SH3KBP1: variants seen among roughly 807,000 people sequenced by gnomAD.
SH3KBP1 encodes the protein SH3 domain containing kinase binding protein 1, also known as SH3 domain-containing kinase-binding protein 1.
A neutral mutation model predicts 50.1 loss-of-function variants in SH3KBP1; 8 were observed. That is an observed-to-expected ratio of 0.16 (90% CI 0.09 to 0.29). SH3KBP1 has a LOEUF of 0.29. Among genes scored for constraint, SH3KBP1 ranks in the 10% least tolerant of loss-of-function variants. The probability of loss-of-function intolerance (pLI) is 1.00; values close to 1 mark genes in which losing one functional copy is unlikely to be tolerated. For missense variants in SH3KBP1, 377 were observed against 535.2 expected (o/e 0.70, Z 2.92); for synonymous variants, 227 against 218.6 (o/e 1.04, Z -0.34).
chrX:19,832,594 C>A (rs1032785592), intron 2 of SH3KBP1, among the ~76,000 whole-genome samples: 1 of 111,052 alleles, frequency 9.0e-6, no homozygotes, highest in Non-Finnish European at 1.9e-5. Flanking sequence ...CCATGAGAGA[C>A]ACGGCCAGCC....
rs750049387 is a variant in SH3KBP1, at chrX:19,706,874, C to G, written c.390+7G>C. On this transcript the variant is annotated splice_region_variant and intron_variant, in intron 4 of 17. Coordinates refer to ENST00000397821, the MANE Select transcript of SH3KBP1 (RefSeq NM_031892.3). ...AGGCCATTGCACTGCCCGGCCAGGT[C>G]GCTTACCTCTCCTACCACCTCTATG... 1 of 1,196,906 alleles carries G rather than the reference C, an allele frequency of 8.4e-7. No homozygotes were observed. The highest frequency in any genetic ancestry group is 1.1e-6 in the Non-Finnish European group (1 of 884,436).
chrX:19,852,521 C>T lies in SH3KBP1; in HGVS notation c.5-16239G>A, dbSNP rs181079615. ...CTCCCAGAGAGATCAGATAATATTCCAGCCGCCAGCCAGTCTGGACTCAAA... is the reference window on the plus strand; with the variant it reads ...CTCCCAGAGAGATCAGATAATATTCTAGCCGCCAGCCAGTCTGGACTCAAA... On this transcript the variant is annotated intron_variant, in intron 1 of 17. Transcript: ENST00000397821. 8.0e-3 allele frequency among the ~76,000 whole-genome samples: 880 copies of T among 109,319 alleles called. 15 individuals are homozygous for T. The highest frequency in any genetic ancestry group is 0.028 in the African/African-American group (832 of 29,937). The allele number at this position is 109,319 out of a possible 115,157, so 94.9% of individuals were successfully genotyped here. A position where few individuals can be genotyped will look rare whatever the true frequency, so the allele number is the denominator to read the frequency against.
At chrX:19,773,520 C>T (rs1311546922) in intron 2 of SH3KBP1, among the ~76,000 whole-genome samples, 1 of 106,350 alleles carries the variant, frequency 9.4e-6, no homozygotes, top group Non-Finnish European at 1.9e-5. Flanking sequence ...CACACACACA[C>T]ACGTGCATGC....
At chrX:19,567,074 A>G (rs1234358750) in intron 13 of SH3KBP1, among the ~76,000 whole-genome samples, 1 of 110,013 alleles carries the variant, frequency 9.1e-6, no homozygotes, top group East Asian at 2.9e-4. Context: ...TTCCATGTCA[A>G]ATCAATCCCT....
At chrX:19,703,038 CT>C (rs996723320) in intron 4 of SH3KBP1, among the ~76,000 whole-genome samples, 2 of 111,764 alleles carry the variant, frequency 1.8e-5, no homozygotes, top group African/African-American at 6.5e-5. Context: ...AGGTGCTTTG[CT>C]TTGCCAACTC....
chrX:19,874,068 A>AAAAAAATAT (rs1491537486), intron 1 of SH3KBP1, among the ~76,000 whole-genome samples: 3 of 57,045 alleles, frequency 5.3e-5, no homozygotes, highest in African/African-American at 4.8e-4. Flanking sequence ...AAAAAAAAAA[A>AAAAAAATAT]ATATATATAT....
rs962808876 is a variant in SH3KBP1 at position 19,682,914 on chromosome X, GA to G, written c.726+908del. ...CCCACCAAAAAAAAAAAAAAAGAAA[GA>G]AAAAAAAACAACAACACTTAAAAGC... On this transcript the variant is annotated intron_variant, in intron 6 of 17. Transcript: ENST00000397821. Among the ~76,000 whole-genome samples, 18 of 98,022 alleles carry G rather than the reference GA, an allele frequency of 1.8e-4. No individual in the cohort carries two copies. In the South Asian group the frequency reaches 2.4e-3, roughly 13 times the overall value. 85.1% of individuals were successfully genotyped at this position (98,022 alleles called of 115,157 possible).
chrX:19,707,045 GAGGCTTCCTAGGCATGC>G (rs775556035), intron 3 of SH3KBP1, 61 bp from the exon 4 acceptor site: 17 of 983,308 alleles, frequency 1.7e-5, no homozygotes, highest in Non-Finnish European at 2.3e-5. Flanking sequence ...ATTTTAAAGA[GAGGCTTCCTAGGCATGC>G]AGGCAAATTA....
chrX:19,638,622 G>T (rs1416311962), intron 7 of SH3KBP1, among the ~76,000 whole-genome samples: 1 of 111,270 alleles, frequency 9.0e-6, no homozygotes, highest in East Asian at 2.8e-4. Context: ...AGAACCACTG[G>T]TCTAGTAATG....
chrX:19,538,059 G>T (rs2064771021), intron 16 of SH3KBP1, among the ~76,000 whole-genome samples: 3 of 111,554 alleles, frequency 2.7e-5, no homozygotes, highest in African/African-American at 9.8e-5. Flanking sequence ...AAAAGGATAA[G>T]ATGGGGAAAC....
intron 2 of SH3KBP1, among the ~76,000 whole-genome samples, chrX:19,828,034 C>A (rs58527578): frequency 9.1e-6 from 1 of 110,111 alleles, no homozygotes; most frequent in Non-Finnish European, 1.9e-5. Flanking sequence ...AGGAGGGTCA[C>A]CTGACTCTGA....
chrX:19,879,718 C>T (rs1358972401), intron 1 of SH3KBP1, among the ~76,000 whole-genome samples: 4 of 112,604 alleles, frequency 3.6e-5, no homozygotes, highest in Non-Finnish European at 5.6e-5. Context: ...TGGTGAAAGT[C>T]CCAAAGAGTC....
chrX:19,799,491 CAG>C, intron 2 of SH3KBP1: 1 of 573,300 alleles, frequency 1.7e-6, no homozygotes, highest in South Asian at 2.6e-5. Flanking sequence ...AAGTGGAAAA[CAG>C]TGTTGGTCAC....
intron 13 of SH3KBP1, among the ~76,000 whole-genome samples, chrX:19,558,840 T>C (rs2065574095): frequency 8.9e-6 from 1 of 112,164 alleles, no homozygotes; most frequent in Admixed American, 9.5e-5. Flanking sequence ...AGAATTTTAT[T>C]GGGCTTTTCC....
At chrX:19,672,990 T>TG (rs1460412774) in intron 6 of SH3KBP1, among the ~76,000 whole-genome samples, 3 of 4,699 alleles carry the variant, frequency 6.4e-4, no homozygotes, top group African/African-American at 1.7e-3. Flanking sequence ...CGGGTGGGGG[T>TG]GGGGGGCGGA....
In SH3KBP1 at chrX:19,634,672, G is replaced by A. The variant is rs748916671; in HGVS notation, c.803-2714C>T. 4.5e-5 allele frequency among the ~76,000 whole-genome samples: 5 copies of A among 111,582 alleles called. No individual in the cohort carries two copies. The South Asian group carries it at 1.9e-3, about 42-fold the overall frequency. On this transcript the variant is annotated intron_variant, in intron 7 of 17. Coordinates refer to ENST00000397821, the MANE Select transcript of SH3KBP1 (RefSeq NM_031892.3). The stretch of plus-strand genomic sequence containing the variant: ...GGAGAGGACGGTGGGCCAGAAGGCA[G>A]GATACTTGGGACTAGGTTGGGTTCC...
At chrX:19,815,242 C>T (rs1216567075) in intron 2 of SH3KBP1, among the ~76,000 whole-genome samples, 3 of 111,301 alleles carry the variant, frequency 2.7e-5, no homozygotes, top group Admixed American at 9.5e-5. Context: ...GCCTGGGCAT[C>T]GGGATTTTTA....
At chrX:19,817,647 G>GT (rs1379875364) in intron 2 of SH3KBP1, among the ~76,000 whole-genome samples, 5 of 111,048 alleles carry the variant, frequency 4.5e-5, no homozygotes, top group Non-Finnish European at 9.5e-5. Flanking sequence ...TTTTGTTTTT[G>GT]TTTTTTTGAG....
At position 19,641,154 on chromosome X, in the gene SH3KBP1, T is replaced by G. The variant is rs2061846771; in HGVS notation, c.802+4246A>C. 2.7e-5 allele frequency among the ~76,000 whole-genome samples: 3 copies of G among 112,009 alleles called. No individual in the cohort carries two copies. The South Asian group carries it at 1.1e-3, about 41-fold the overall frequency. ...CAAGAACCTGGACACCCTCCACTGG[T>G]AACAGTCTTAGGCCGATTGGGAGAG... On this transcript the variant is annotated intron_variant, in intron 7 of 17. Transcript: ENST00000397821.
Sources: allele counts gnomAD v4.1 joint callset (sites outside exome capture counted in the v4.1 genomes callset), GRCh38; gene constraint gnomAD v4.1.1; transcripts MANE v1.5; gene names NCBI Gene and HGNC (gene_info 2026-07-23, HGNC 2026-07-21).